The following PTPRN2 variants were observed in gnomAD, a reference collection of about 807,000 sequenced individuals.
PTPRN2 encodes protein tyrosine phosphatase receptor type N2.
A neutral mutation model predicts 118.8 loss-of-function variants in PTPRN2; 74 were observed. That is an observed-to-expected ratio of 0.62 (90% CI 0.52 to 0.76). The LOEUF (loss-of-function observed/expected upper bound fraction) is 0.76. Ranked by LOEUF, PTPRN2 falls within the 30% of genes least tolerant of loss-of-function variation. PTPRN2 has a pLI of 0.00. For missense variants in PTPRN2, 1,481 were observed against 1,394.4 expected (o/e 1.06, Z -0.99); for synonymous variants, 641 against 608.0 (o/e 1.05, Z -0.80).
At chr7:158,511,123 T>A (rs1033339864) in intron 1 of PTPRN2, among the ~76,000 whole-genome samples, 1 of 152,226 alleles carries the variant, frequency 6.6e-6, no homozygotes, top group Non-Finnish European at 1.5e-5. Flanking sequence ...TCTGGCACCT[T>A]TGACCCTGCA....
intron 11 of PTPRN2, among the ~76,000 whole-genome samples, chr7:157,985,757 C>T (rs1803734728): frequency 6.6e-6 from 1 of 152,222 alleles, no homozygotes; most frequent in Non-Finnish European, 1.5e-5. Context: ...GAACAAACTC[C>T]TGAGGGAGGT....
At chr7:158,337,081 C>T (rs201769898) in intron 2 of PTPRN2, among the ~76,000 whole-genome samples, 14,701 of 110,556 alleles carry the variant, frequency 0.13, no homozygotes, top group Admixed American at 0.22. Context: ...CACCCGCAGA[C>T]GTCACTCACA....
intron 12 of PTPRN2, among the ~76,000 whole-genome samples, chr7:157,847,867 C>T (rs1297240810): frequency 6.7e-6 from 1 of 148,776 alleles, no homozygotes; most frequent in East Asian, 2.0e-4. Flanking sequence ...AGAGCCCTCT[C>T]TCATTACATC....
At chr7:158,194,128 TGTGTGA>T (rs1826012288) in intron 4 of PTPRN2, among the ~76,000 whole-genome samples, 2 of 139,202 alleles carry the variant, frequency 1.4e-5, no homozygotes, top group African/African-American at 6.8e-5. Flanking sequence ...CGCATGTGCG[TGTGTGA>T]GTTTGTGTAA....
At chr7:158,322,230 G>A (rs1803083284) in intron 2 of PTPRN2, among the ~76,000 whole-genome samples, 1 of 152,202 alleles carries the variant, frequency 6.6e-6, no homozygotes, top group South Asian at 2.1e-4. Context: ...GGACAGCCGG[G>A]AGACACGCAC....
chr7:158,238,159 G>A (rs1001586864), intron 3 of PTPRN2, among the ~76,000 whole-genome samples: 1 of 152,132 alleles, frequency 6.6e-6, no homozygotes, highest in South Asian at 2.1e-4. Context: ...GGCTCTGATT[G>A]GAAAAGGACG....
At position 158,018,236 on chromosome 7, in the gene PTPRN2, T is replaced by C. The variant is rs144622812; in HGVS notation, c.1723+63062A>G. 2.4e-3 allele frequency among the ~76,000 whole-genome samples: 373 copies of C among 152,346 alleles called. 2 individuals are homozygous for C. The highest frequency in any genetic ancestry group is 8.5e-3 in the African/African-American group (354 of 41,588). On this transcript the variant is annotated intron_variant, in intron 11 of 22. Transcript: ENST00000389418. ...AGTGGTGGGTAACTGGAACAGTCTG[T>C]GTGCTTGTTCACAGGCGCCGCTGGC... is the stretch of plus-strand genomic sequence containing the variant.
intron 2 of PTPRN2, among the ~76,000 whole-genome samples, chr7:158,430,566 T>C (rs1201715480): frequency 1.3e-5 from 2 of 152,060 alleles, no homozygotes; most frequent in African/African-American, 4.8e-5. Context: ...TGCATGGGAG[T>C]GCATTGCTTC....
At position 157,676,984 on chromosome 7, in the gene PTPRN2, C is replaced by T. The variant is rs1388974276; in HGVS notation, c.2001+5741G>A. On this transcript the variant is annotated intron_variant, in intron 13 of 22. Coordinates refer to ENST00000389418, the MANE Select transcript of PTPRN2 (RefSeq NM_002847.5). The surrounding 1 kb of genome is among the most constrained non-coding windows in gnomAD (Gnocchi z 5.6). ...CCCGCTCCACAGACACCACGCACAC[C>T]GCCCCTCCCCTGGTGCTGTGTGAGC... Among the ~76,000 whole-genome samples, 2 of 152,108 alleles carry T rather than the reference C, an allele frequency of 1.3e-5. No homozygotes were observed. The highest frequency in any genetic ancestry group is 4.8e-5 in the African/African-American group (2 of 41,412).
At chr7:157,997,861 G>T (rs1226422422) in intron 11 of PTPRN2, among the ~76,000 whole-genome samples, 1 of 123,670 alleles carries the variant, frequency 8.1e-6, no homozygotes, top group Admixed American at 8.3e-5. Flanking sequence ...GTGCAGGGCT[G>T]GGGGAGAGTA....
At chr7:158,554,088 T>C (rs1330224167) in intron 1 of PTPRN2, among the ~76,000 whole-genome samples, 1 of 152,204 alleles carries the variant, frequency 6.6e-6, no homozygotes, top group Non-Finnish European at 1.5e-5. Context: ...CTTCCTTATA[T>C]ACCCCATCTC....
At chr7:158,105,995 G>C (rs752073164) in intron 10 of PTPRN2, among the ~76,000 whole-genome samples, 1 of 150,654 alleles carries the variant, frequency 6.6e-6, no homozygotes, top group Non-Finnish European at 1.5e-5. Context: ...CCTTCATCCA[G>C]CTCCACTGAA....
At position 158,166,924 on chromosome 7, in the gene PTPRN2, G is replaced by A; in HGVS notation, c.910+7C>T. 1 of 1,426,120 alleles carries A rather than the reference G, an allele frequency of 7.0e-7. No individual in the cohort carries two copies. Among genetic ancestry groups the A allele is most frequent in the Non-Finnish European group, 9.2e-7 (1 of 1,084,706 alleles). The allele number at this position is 1,426,120 out of a possible 1,614,324, so 88.3% of individuals were successfully genotyped here. On this transcript the variant is annotated splice_region_variant and intron_variant, in intron 6 of 22. Coordinates refer to ENST00000389418, the MANE Select transcript of PTPRN2 (RefSeq NM_002847.5). ...CAAACAAGAAACACCAAGCGGGGCT[G>A]GCTCACCATCGCCTGTGCTGGAGGG...
At chr7:157,649,517 C>T (rs868796127) in intron 14 of PTPRN2, among the ~76,000 whole-genome samples, 726 of 111,754 alleles carry the variant, frequency 6.5e-3, no homozygotes, top group Non-Finnish European at 0.011. Context: ...CTCGGTGGGT[C>T]GGACCCATTC....
chr7:158,346,765 C>T (rs1370970229), intron 2 of PTPRN2, among the ~76,000 whole-genome samples: 1 of 152,224 alleles, frequency 6.6e-6, no homozygotes, highest in Non-Finnish European at 1.5e-5. Context: ...TCCTCACCAA[C>T]ACTTGCTGTC....
At chr7:157,653,412 C>T (rs1805807567) in intron 14 of PTPRN2, among the ~76,000 whole-genome samples, 1 of 152,168 alleles carries the variant, frequency 6.6e-6, no homozygotes, top group African/African-American at 2.4e-5. Flanking sequence ...GAATTGGCTG[C>T]CTTGTAGCTG....
chr7:157,542,729 T>C (rs1798072495), intron 22 of PTPRN2, among the ~76,000 whole-genome samples: 1 of 152,114 alleles, frequency 6.6e-6, no homozygotes, highest in Non-Finnish European at 1.5e-5. Context: ...TGGCCATGTT[T>C]GGCAATTGTT....
chr7:158,206,507 G>C (rs1263036695), intron 3 of PTPRN2, among the ~76,000 whole-genome samples: 3 of 152,066 alleles, frequency 2.0e-5, no homozygotes, highest in African/African-American at 7.3e-5. Context: ...CAGTCCTAGT[G>C]GTGGGGTGGC....
At chr7:157,937,523 G>A (rs772324810) in intron 11 of PTPRN2, among the ~76,000 whole-genome samples, 59 of 152,332 alleles carry the variant, frequency 3.9e-4, no homozygotes, top group South Asian at 1.7e-3. Flanking sequence ...GAATAAAGCC[G>A]TGTGCGGTGT....
Sources: gnomAD v4.1 joint callset for allele counts (sites outside exome capture counted in the v4.1 genomes callset) on GRCh38, gnomAD v4.1.1 for gene constraint, Gnocchi (gnomAD v3.1) non-coding constraint, MANE v1.5 for transcripts, NCBI Gene and HGNC (gene_info 2026-07-23, HGNC 2026-07-21) for gene names.